AIFM1: variants seen among roughly 807,000 people sequenced by gnomAD.
The protein encoded by AIFM1 is apoptosis-inducing factor 1, mitochondrial.
A neutral mutation model predicts 51.7 loss-of-function variants in AIFM1; 3 were observed. The observed-to-expected ratio is 0.06, with a 90% CI of 0.03 to 0.15. The LOEUF is 0.15. Ranked by LOEUF, AIFM1 falls within the 10% of genes least tolerant of loss-of-function variation. AIFM1 has a pLI of 1.00. For synonymous variants in AIFM1, 178 were observed against 179.4 expected (o/e 0.99, Z 0.06); for missense variants, 330 against 476.8 (o/e 0.69, Z 2.87).
intron 2 of AIFM1, among the ~76,000 whole-genome samples, chrX:130,153,208 G>A (rs2031049797): frequency 9.5e-6 from 1 of 105,723 alleles, no homozygotes; most frequent in South Asian, 4.5e-4. Flanking sequence ...AAATTAGCCG[G>A]GCATGGTGGC....
intron 14 of AIFM1, among the ~76,000 whole-genome samples, chrX:130,130,661 G>A (rs951671057): frequency 4.4e-5 from 5 of 112,637 alleles, no homozygotes; most frequent in East Asian, 5.6e-4. Flanking sequence ...GGTGGCTAAC[G>A]TACTGGACAG....
chrX:130,146,449 ATATGTGTGTG>A (rs1569419886), intron 5 of AIFM1, among the ~76,000 whole-genome samples: 2 of 65,140 alleles, frequency 3.1e-5, no homozygotes, highest in African/African-American at 1.5e-4. Context: ...GTCTCTCAAA[ATATGTGTGTG>A]TGTGTGTGTG....
intron 6 of AIFM1, among the ~76,000 whole-genome samples, chrX:130,144,654 G>A (rs1263041664): frequency 9.0e-6 from 1 of 111,290 alleles, no homozygotes; most frequent in African/African-American, 3.3e-5. Flanking sequence ...TCACTCTACT[G>A]GGCACCCTTC....
intron 2 of AIFM1, among the ~76,000 whole-genome samples, chrX:130,149,972 T>C (rs2124667141): frequency 8.9e-6 from 1 of 112,121 alleles, no homozygotes; most frequent in African/African-American, 3.2e-5. Flanking sequence ...AATCAATCTA[T>C]AGGGTCCCGG....
At chrX:130,130,479 A>G (rs2030020378) in intron 14 of AIFM1, among the ~76,000 whole-genome samples, 1 of 112,536 alleles carries the variant, frequency 8.9e-6, no homozygotes, top group South Asian at 3.6e-4. Context: ...TTCAAACTGC[A>G]GAAGGCTGGT....
chrX:130,141,908 TCTAA>T (rs1331036191), intron 6 of AIFM1, among the ~76,000 whole-genome samples: 1 of 112,136 alleles, frequency 8.9e-6, no homozygotes, highest in Non-Finnish European at 1.9e-5. Flanking sequence ...GCTGCTCCAT[TCTAA>T]CTAATTTGGG....
At chrX:130,146,341 G>A (rs2030748336) in intron 5 of AIFM1, among the ~76,000 whole-genome samples, 1 of 109,603 alleles carries the variant, frequency 9.1e-6, no homozygotes, top group South Asian at 4.0e-4. Flanking sequence ...CTACTCGGGA[G>A]GCTGAGGTGG....
chrX:130,137,823 G>A lies in AIFM1; in HGVS notation c.968-638C>T, dbSNP rs142046747. 2.4e-3 allele frequency: 1,960 copies of A among 815,102 alleles called. 29 individuals carry two copies. In the African/African-American group the frequency reaches 0.039, roughly 16 times the overall value. The allele number at this position is 815,102 out of a possible 1,213,427, so 67.2% of individuals were successfully genotyped here. On this transcript the variant is annotated intron_variant, in intron 9 of 15. Transcript: ENST00000287295. ...CACACCTATAATCCCAGCACTTTGG[G>A]TGGCCGAGGTGGGTGGATCACCTGA...
At chrX:130,136,797 G>A in intron 10 of AIFM1, 66 bp from the exon 11 acceptor site, 1 of 1,118,380 alleles carries the variant, frequency 8.9e-7, no homozygotes, top group Non-Finnish European at 1.2e-6. Context: ...AAGTAGGAAA[G>A]CTGACCAGCG....
rs189790175 is a variant in AIFM1 at position 130,146,714 on chromosome X, C to T, written c.605+779G>A. On this transcript the variant is annotated intron_variant, in intron 5 of 15. Coordinates refer to ENST00000287295, the MANE Select transcript of AIFM1 (RefSeq NM_004208.4). Reference sequence around the variant, plus strand: ...AAGGAAAAAGCTTCTGGACCTGTATCTCCAAGTCTGTCGTGCAAAAATTCT... The same window carrying T: ...AAGGAAAAAGCTTCTGGACCTGTATTTCCAAGTCTGTCGTGCAAAAATTCT... Among the ~76,000 whole-genome samples the T allele has an allele frequency of 1.9e-3, 212 of 111,187 alleles. 1 individual carries two copies. The highest frequency in any genetic ancestry group is 3.3e-3 in the Non-Finnish European group (177 of 53,076).
At position 130,136,329 on chromosome X, in the gene AIFM1, C is replaced by G. The variant is rs990023206; in HGVS notation, c.1165-144G>C. On this transcript the variant is annotated intron_variant, in intron 11 of 15. Transcript: ENST00000287295. The stretch of plus-strand genomic sequence containing the variant: ...ACCTCTGATAAATGGATTTTAAGTT[C>G]TATTTCATAAGCCTCCACCACCCCA... 6.8e-6 allele frequency: 5 copies of G among 739,951 alleles called. No individual in the cohort carries two copies. The African/African-American group carries it at 1.1e-4, about 16-fold the overall frequency. 61.0% of individuals were successfully genotyped at this position (739,951 alleles called of 1,213,427 possible).
In AIFM1 at chrX:130,156,537, C is replaced by A. The variant is rs1359753093; in HGVS notation, c.173G>T (p.Gly58Val). 8.3e-7 allele frequency: 1 copy of A among 1,211,319 alleles called. No homozygotes were observed. The highest frequency in any genetic ancestry group is 1.1e-6 in the Non-Finnish European group (1 of 895,211). The change falls in exon 2 of 16, where the codon GGT becomes GTT. Residue 58 changes from glycine (G) to valine (V), a missense_variant. Physicochemically the swap from Gly to Val is moderately radical, Grantham distance 109. Around this residue, in one of 4 missense-constraint regions of AIFM1, gnomAD observed 110 missense variants for 103.1 expected, o/e 1.07. Coordinates refer to ENST00000287295, the MANE Select transcript of AIFM1 (RefSeq NM_004208.4). ...LQMTRQMASS[G>V]ASGGKIDNSV... Reference sequence around the variant, plus strand: ...ATTATCGATTTTGCCCCCTGATGCACCAGAGCTAGCCATTTGTCTTGTCAT... The same window carrying A: ...ATTATCGATTTTGCCCCCTGATGCAACAGAGCTAGCCATTTGTCTTGTCAT...
intron 3 of AIFM1, 164 bp from the exon 4 acceptor site, chrX:130,148,040 A>T: frequency 3.2e-6 from 2 of 624,114 alleles, no homozygotes; most frequent in Non-Finnish European, 5.1e-6. Context: ...TCCTGATGGG[A>T]GAGGAAAAGC....
At chrX:130,148,609 G>A (rs1046660596) in intron 3 of AIFM1, among the ~76,000 whole-genome samples, 2 of 110,079 alleles carry the variant, frequency 1.8e-5, no homozygotes, top group African/African-American at 6.6e-5. Context: ...CGAAGCAGGC[G>A]GATCACCTGA....
intron 15 of AIFM1, 121 bp from the exon 16 acceptor site, chrX:130,129,749 T>G: frequency 1.3e-6 from 1 of 784,305 alleles, no homozygotes; most frequent in Non-Finnish European, 1.9e-6. Flanking sequence ...GTGGGAACAG[T>G]TCTCTACTAA....
At chrX:130,165,410 G>A (rs1255040332) in intron 1 of AIFM1, 141 bp downstream of exon 1, 2 of 549,554 alleles carry the variant, frequency 3.6e-6, no homozygotes, top group Admixed American at 2.7e-5. Context: ...AAGACTCAGG[G>A]TTCGGAGTCT....
At chrX:130,148,131 C>G (rs940946547) in intron 3 of AIFM1, among the ~76,000 whole-genome samples, 22 of 112,122 alleles carry the variant, frequency 2.0e-4, no homozygotes, top group African/African-American at 6.5e-4. Flanking sequence ...TGAACTGGTA[C>G]TAGGACATAG....
chrX:130,163,142 C>T (rs1301552782), intron 1 of AIFM1, among the ~76,000 whole-genome samples: 3 of 109,621 alleles, frequency 2.7e-5, no homozygotes, highest in South Asian at 4.0e-4. Flanking sequence ...AACCCCGTCT[C>T]TACTAAAAAT....
intron 14 of AIFM1, among the ~76,000 whole-genome samples, chrX:130,130,926 G>C (rs1004422284): frequency 3.6e-5 from 4 of 112,326 alleles, no homozygotes; most frequent in African/African-American, 1.3e-4. Context: ...GGAGAGATCA[G>C]AATTAAGGAA....
Sources: gnomAD v4.1 joint callset for allele counts (sites outside exome capture counted in the v4.1 genomes callset) on GRCh38, gnomAD v4.1.1 for gene constraint, gnomAD v4.1.1 regional missense constraint, MANE v1.5 for transcripts, NCBI Gene and HGNC (gene_info 2026-07-23, HGNC 2026-07-21) for gene names.